Variants in CNTNAP2 observed in about 807,000 individuals in gnomAD.
CNTNAP2 encodes the protein contactin-associated protein-like 2.
CNTNAP2 carries 98 observed loss-of-function variants against 155.2 expected under a neutral mutation model. The observed-to-expected ratio is 0.63, with a 90% confidence interval of 0.54 to 0.75. CNTNAP2 has a LOEUF of 0.75. Among genes scored for constraint, CNTNAP2 ranks in the 30% least tolerant of loss-of-function variants. The pLI is 0.00. For synonymous variants in CNTNAP2, 651 were observed against 631.2 expected (o/e 1.03, Z -0.47); for missense variants, 1,727 against 1,688.1 (o/e 1.02, Z -0.40).
intron 1 of CNTNAP2, among the ~76,000 whole-genome samples, chr7:146,151,686 A>ATG (rs1562969087): frequency 3.7e-5 from 2 of 54,734 alleles, no homozygotes; most frequent in African/African-American, 2.1e-4. Flanking sequence ...ATATATGTAT[A>ATG]TATATATATA....
intron 13 of CNTNAP2, among the ~76,000 whole-genome samples, chr7:147,830,681 A>G (rs1798532813): frequency 6.6e-6 from 1 of 152,166 alleles, no homozygotes; most frequent in African/African-American, 2.4e-5. Context: ...AATGGGTTGG[A>G]GGGAAAATAA....
intron 4 of CNTNAP2, among the ~76,000 whole-genome samples, chr7:147,060,978 A>G (rs1438349697): frequency 6.6e-6 from 1 of 152,384 alleles, no homozygotes; most frequent in Admixed American, 6.5e-5. Context: ...TTTCTGCATT[A>G]ATATTCAATA....
At chr7:147,083,239 A>G (rs1243191706) in intron 4 of CNTNAP2, 1 of 152,104 alleles carries the variant, frequency 6.6e-6, no homozygotes, top group African/African-American at 2.4e-5. Flanking sequence ...CAACAGTAAC[A>G]CCACCAAAAG....
At chr7:146,789,079 A>G (rs1802628019) in intron 2 of CNTNAP2, among the ~76,000 whole-genome samples, 1 of 152,200 alleles carries the variant, frequency 6.6e-6, no homozygotes, top group Non-Finnish European at 1.5e-5. Flanking sequence ...ACAAAACCCT[A>G]GGAAGAAATT....
intron 2 of CNTNAP2, among the ~76,000 whole-genome samples, chr7:146,795,771 C>G (rs1176290460): frequency 6.6e-6 from 1 of 152,114 alleles, no homozygotes; most frequent in Non-Finnish European, 1.5e-5. Context: ...ACACCTTATG[C>G]CCCAGCAATT....
intron 13 of CNTNAP2, among the ~76,000 whole-genome samples, chr7:147,660,457 T>A (rs77765130): frequency 0.025 from 3,845 of 152,308 alleles, 73 homozygotes; most frequent in Middle Eastern, 0.099. Flanking sequence ...CTTGTCTCGC[T>A]TTAAATTCTT....
At chr7:148,199,492 C>A (rs1795333134) in intron 18 of CNTNAP2, among the ~76,000 whole-genome samples, 1 of 152,192 alleles carries the variant, frequency 6.6e-6, no homozygotes, top group Admixed American at 6.5e-5. Context: ...TAAAATGATT[C>A]CAATGCCCAT....
intron 1 of CNTNAP2, among the ~76,000 whole-genome samples, chr7:146,482,739 CAA>C (rs555270058): frequency 8.1e-5 from 11 of 136,560 alleles, no homozygotes; most frequent in African/African-American, 2.7e-4. Flanking sequence ...AAGACTGTCT[CAA>C]AAAAAAAAAA....
At chr7:147,722,229 C>T (rs1796576409) in intron 13 of CNTNAP2, among the ~76,000 whole-genome samples, 1 of 152,130 alleles carries the variant, frequency 6.6e-6, no homozygotes, top group African/African-American at 2.4e-5. Flanking sequence ...TTTTATTTGT[C>T]AGTAACATGT....
At chr7:146,465,895 G>A (rs549910460) in intron 1 of CNTNAP2, among the ~76,000 whole-genome samples, 67 of 152,210 alleles carry the variant, frequency 4.4e-4, no homozygotes, top group African/African-American at 1.5e-3. Context: ...CATATACGGT[G>A]TATGAAAATT....
chr7:147,580,129 C>T (rs564255256), intron 12 of CNTNAP2, among the ~76,000 whole-genome samples: 109 of 152,310 alleles, frequency 7.2e-4, no homozygotes, highest in Non-Finnish European at 1.2e-3. Context: ...ATTCCCACAT[C>T]TGTCCTTTAG....
At chr7:148,022,968 A>T (rs1416078737) in intron 15 of CNTNAP2, among the ~76,000 whole-genome samples, 1 of 152,120 alleles carries the variant, frequency 6.6e-6, no homozygotes, top group East Asian at 1.9e-4. Context: ...TAAATATCTC[A>T]TCGGCAGTAA....
At chr7:146,339,718 A>G (rs1466207705) in intron 1 of CNTNAP2, among the ~76,000 whole-genome samples, 1 of 152,208 alleles carries the variant, frequency 6.6e-6, no homozygotes, top group Non-Finnish European at 1.5e-5. Context: ...AATGAAGCCA[A>G]GAAACTCCTA....
chr7:147,184,686 G>C (rs1439228386), intron 8 of CNTNAP2, among the ~76,000 whole-genome samples: 1 of 151,916 alleles, frequency 6.6e-6, no homozygotes, highest in Non-Finnish European at 1.5e-5. Context: ...TAATTGGAGA[G>C]GAAATGAGGG....
chr7:148,277,334 C>T (rs1279121420), intron 21 of CNTNAP2, among the ~76,000 whole-genome samples: 1 of 152,126 alleles, frequency 6.6e-6, no homozygotes, highest in Non-Finnish European at 1.5e-5. Context: ...TCCCAGGGAG[C>T]ACCTGCCATC....
At chr7:146,253,109 A>G (rs1799782326) in intron 1 of CNTNAP2, among the ~76,000 whole-genome samples, 1 of 152,126 alleles carries the variant, frequency 6.6e-6, no homozygotes, top group Non-Finnish European at 1.5e-5. Context: ...GTTTTCATGA[A>G]TTTCACCCAA....
chr7:147,189,223 A>G (rs1264184667), intron 8 of CNTNAP2, among the ~76,000 whole-genome samples: 4 of 152,194 alleles, frequency 2.6e-5, no homozygotes, highest in Non-Finnish European at 5.9e-5. Context: ...ATATTATAAA[A>G]CTATACATAG....
chr7:147,144,537 C>A (rs1456009765), intron 8 of CNTNAP2, among the ~76,000 whole-genome samples: 1 of 152,060 alleles, frequency 6.6e-6, no homozygotes, highest in Non-Finnish European at 1.5e-5. Context: ...AGGTACGTTT[C>A]TAATCTTTTT....
chr7:146,217,975 T>A (rs900480722), intron 1 of CNTNAP2, among the ~76,000 whole-genome samples: 2 of 152,198 alleles, frequency 1.3e-5, no homozygotes, highest in Non-Finnish European at 2.9e-5. Flanking sequence ...GTAACACACC[T>A]GCACGTATAT....
Sources: gnomAD v4.1 joint callset for allele counts (sites outside exome capture counted in the v4.1 genomes callset) on GRCh38, gnomAD v4.1.1 for gene constraint, MANE v1.5 for transcripts, NCBI Gene and HGNC (gene_info 2026-07-23, HGNC 2026-07-21) for gene names.